PPP1R37: variants seen among roughly 807,000 people sequenced by gnomAD.
The protein encoded by PPP1R37 is protein phosphatase 1 regulatory subunit 37.
PPP1R37 carries 21 observed loss-of-function variants against 61.0 expected under a neutral mutation model. The ratio of observed to expected loss-of-function variants is 0.34; its 90% CI spans 0.24 to 0.50. PPP1R37 has a LOEUF of 0.50. PPP1R37 is among the 20% of genes least tolerant of loss of function. The probability of loss-of-function intolerance (pLI) is 0.98; values close to 1 mark genes in which losing one functional copy is unlikely to be tolerated. For synonymous variants in PPP1R37, 443 were observed against 433.5 expected (o/e 1.02, Z -0.27); for missense variants, 910 against 952.7 (o/e 0.96, Z 0.59).
At chr19:45,098,273 C>T (rs760619756) in intron 1 of PPP1R37, among the ~76,000 whole-genome samples, 5 of 152,216 alleles carry the variant, frequency 3.3e-5, no homozygotes, top group Non-Finnish European at 5.9e-5. Flanking sequence ...CCCTTCAGCT[C>T]TTCTGAAGGC....
chr19:45,138,510 G>A lies in PPP1R37; in HGVS notation c.203-4G>A. ...TCACAGGCCTGGGTCCCCTGTGCCT[G>A]CAGCCCAGAATGTGACCGTGGACGA... On this transcript the variant is annotated splice_region_variant and splice_polypyrimidine_tract_variant and intron_variant, in intron 1 of 12. Coordinates refer to ENST00000221462, the MANE Select transcript of PPP1R37 (RefSeq NM_019121.2). 1.3e-6 allele frequency: 2 copies of A among 1,535,140 alleles called. No individual in the cohort carries two copies. Among genetic ancestry groups the A allele is most frequent in the Non-Finnish European group, 1.7e-6 (2 of 1,146,130 alleles).
At chr19:45,112,714 G>T (rs1465651653) in intron 1 of PPP1R37, among the ~76,000 whole-genome samples, 1 of 152,194 alleles carries the variant, frequency 6.6e-6, no homozygotes, top group Non-Finnish European at 1.5e-5. Flanking sequence ...GTCTAGGGAT[G>T]GGTCTGCCTT....
At chr19:45,112,445 G>A (rs1197581058) in intron 1 of PPP1R37, among the ~76,000 whole-genome samples, 2 of 152,292 alleles carry the variant, frequency 1.3e-5, no homozygotes, top group East Asian at 1.9e-4. Context: ...AGTGGCTCTC[G>A]CCACCTTTTA....
chr19:45,105,791 C>G (rs992438311), intron 1 of PPP1R37, among the ~76,000 whole-genome samples: 3 of 152,216 alleles, frequency 2.0e-5, no homozygotes, highest in East Asian at 1.9e-4. Context: ...CCCTGCTGGA[C>G]AAGTCCCAGG....
chr19:45,099,249 C>T (rs1217270175), intron 1 of PPP1R37, among the ~76,000 whole-genome samples: 1 of 152,216 alleles, frequency 6.6e-6, no homozygotes, highest in Non-Finnish European at 1.5e-5. Context: ...CTGGGTGCCC[C>T]AGCAGTCCCT....
Position 45,146,738 on chromosome 19 carries a change from C to T in PPP1R37, c.*176C>T, listed in dbSNP as rs574032322. Reference sequence around the variant, plus strand: ...GGGGTGCAGGAGCTACAGGGAGTGGCCCTCCGCGCGTGACTCAAGCACTTC... The same window carrying T: ...GGGGTGCAGGAGCTACAGGGAGTGGTCCTCCGCGCGTGACTCAAGCACTTC... On this transcript the variant is annotated 3_prime_UTR_variant, in exon 13 of 13. Coordinates refer to ENST00000221462, the MANE Select transcript of PPP1R37 (RefSeq NM_019121.2). The T allele has an allele frequency of 1.7e-4, 76 of 441,342 alleles. No homozygotes were observed. In the East Asian group the frequency reaches 2.2e-3, roughly 13 times the overall value. 27.3% of individuals were successfully genotyped at this position (441,342 alleles called of 1,614,324 possible). A position where few individuals can be genotyped will look rare whatever the true frequency, so the allele number is the denominator to read the frequency against.
In PPP1R37 at chr19:45,140,501, C is replaced by A; in HGVS notation, c.347-5C>A. Reference sequence around the variant, plus strand: ...GACATGCGCACGGCTGCTGTCTCCCCCCAGGTGAGAAGCTTGACTACAAGA... The same window carrying A: ...GACATGCGCACGGCTGCTGTCTCCCACCAGGTGAGAAGCTTGACTACAAGA... On this transcript the variant is annotated splice_region_variant and splice_polypyrimidine_tract_variant and intron_variant, in intron 3 of 12. Coordinates refer to ENST00000221462, the MANE Select transcript of PPP1R37 (RefSeq NM_019121.2). The A allele has an allele frequency of 6.5e-7, 1 of 1,534,722 alleles. No individual in the cohort carries two copies. Among genetic ancestry groups the A allele is most frequent in the Non-Finnish European group, 8.7e-7 (1 of 1,145,698 alleles).
chr19:45,135,915 TG>T (rs1381396897), intron 1 of PPP1R37: 1 of 151,764 alleles, frequency 6.6e-6, no homozygotes, highest in Non-Finnish European at 1.5e-5. Context: ...CCCGAGTAAC[TG>T]AGACTACAGG....
At chr19:45,141,679 G>A (rs921624546) in intron 5 of PPP1R37, among the ~76,000 whole-genome samples, 9 of 152,298 alleles carry the variant, frequency 5.9e-5, no homozygotes, top group Admixed American at 1.3e-4. Flanking sequence ...TCTCCCTTCC[G>A]TAATGTCATC....
chr19:45,143,316 T>G (rs10406911), intron 7 of PPP1R37: 7,067 of 528,118 alleles, frequency 0.013, 359 homozygotes, highest in African/African-American at 0.12. Context: ...AAGCATCTGG[T>G]GGAGGCTGTC....
chr19:45,118,866 G>A (rs1968302955), intron 1 of PPP1R37, among the ~76,000 whole-genome samples: 1 of 152,116 alleles, frequency 6.6e-6, no homozygotes, highest in South Asian at 2.1e-4. Flanking sequence ...AACTAATTCT[G>A]TCGTGAGAGA....
intron 1 of PPP1R37, among the ~76,000 whole-genome samples, chr19:45,137,790 G>A (rs930000432): frequency 1.5e-4 from 23 of 150,782 alleles, no homozygotes; most frequent in African/African-American, 5.6e-4. Context: ...TCCTCATAGG[G>A]TTGAAGTGAG....
At position 45,098,355 on chromosome 19, in the gene PPP1R37, C is replaced by G. The variant is rs189639837; in HGVS notation, c.202+4828C>G. ...TGACCTGAGGCTCGGCTGGTCTCCT[C>G]AGTCCCAGCTGAACTCTGTGGGGTT... On this transcript the variant is annotated intron_variant, in intron 1 of 12. Coordinates refer to ENST00000221462, the MANE Select transcript of PPP1R37 (RefSeq NM_019121.2). Among the ~76,000 whole-genome samples, 202 of 152,342 alleles carry G rather than the reference C, an allele frequency of 1.3e-3. 1 individual carries two copies. The highest frequency in any genetic ancestry group is 4.6e-3 in the African/African-American group (190 of 41,576).
intron 1 of PPP1R37, among the ~76,000 whole-genome samples, chr19:45,132,363 C>A (rs115049064): frequency 0.021 from 3,172 of 151,506 alleles, 85 homozygotes; most frequent in African/African-American, 0.063. Flanking sequence ...TGGAGTACAG[C>A]GACACAATCA....
chr19:45,146,540 A>T, intron 12 of PPP1R37, 31 bp from the exon 13 acceptor site: 6 of 1,224,086 alleles, frequency 4.9e-6, no homozygotes, highest in Non-Finnish European at 6.9e-6. Context: ...TCTGGCTCTG[A>T]CAGTCTCTCC....
intron 5 of PPP1R37, 66 bp downstream of exon 5, chr19:45,141,507 G>A: frequency 8.1e-6 from 12 of 1,489,106 alleles, no homozygotes; most frequent in Non-Finnish European, 1.1e-5. Context: ...CACTTTCTCA[G>A]GGCATGGCCC....
At chr19:45,107,964 A>G (rs1968154177) in intron 1 of PPP1R37, among the ~76,000 whole-genome samples, 1 of 152,138 alleles carries the variant, frequency 6.6e-6, no homozygotes, top group Non-Finnish European at 1.5e-5. Flanking sequence ...TCAGTTGCAT[A>G]GATAATGCAG....
intron 1 of PPP1R37, among the ~76,000 whole-genome samples, chr19:45,131,246 G>A (rs948494787): frequency 2.6e-5 from 4 of 152,096 alleles, no homozygotes; most frequent in South Asian, 2.1e-4. Flanking sequence ...CCTGCTGGGC[G>A]AGCGGCAGAG....
intron 1 of PPP1R37, among the ~76,000 whole-genome samples, chr19:45,114,005 G>A (rs62118464): frequency 0.073 from 11,095 of 152,306 alleles, 575 homozygotes; most frequent in Non-Finnish European, 0.11. Context: ...CTGCTGAGGC[G>A]TTGGCCTCTG....
Sources: gnomAD v4.1 joint callset for allele counts (sites outside exome capture counted in the v4.1 genomes callset) on GRCh38, gnomAD v4.1.1 for gene constraint, MANE v1.5 for transcripts, NCBI Gene and HGNC (gene_info 2026-07-23, HGNC 2026-07-21) for gene names.